AEBP2: variants seen among roughly 807,000 people sequenced by gnomAD.
AEBP2 encodes AE binding protein 2, also known as zinc finger protein AEBP2.
AEBP2 carries 10 observed loss-of-function variants against 50.8 expected under a neutral mutation model. The observed-to-expected ratio is 0.20, with a 90% CI of 0.12 to 0.33. The LOEUF (loss-of-function observed/expected upper bound fraction) is 0.33, where lower values mean the gene tolerates loss of function less well. Ranked by LOEUF, AEBP2 falls within the 10% of genes least tolerant of loss-of-function variation. The pLI is 1.00. For missense variants in AEBP2, 570 were observed against 688.0 expected (o/e 0.83, Z 1.92); for synonymous variants, 296 against 261.3 (o/e 1.13, Z -1.28).
rs1174101899 is a variant in AEBP2 at position 19,500,205 on chromosome 12, T to C, written c.1283T>C (p.Val428Ala). 6.4e-7 allele frequency: 1 copy of C among 1,559,986 alleles called. No homozygotes were observed. The highest frequency in any genetic ancestry group is 2.3e-5 in the East Asian group (1 of 42,948). Residue 428 changes from valine to alanine, a missense_variant, in exon 5 of 8, where the codon GTT (valine) becomes GCT (alanine). Val to Ala is a moderately conservative substitution (Grantham distance 64, BLOSUM62 0). Around this residue, in one of 2 missense-constraint regions of AEBP2, gnomAD observed 184 missense variants for 351.2 expected, o/e 0.52. Transcript: ENST00000266508. ...HIESLGKGHS[V>A]VFHSTVIAKR... ...GAAAGTTTAGGGAAGGGACACAGTG[T>C]TGTTTTTCATAGTACTGTAAGTATT...
chr12:19,450,014 CAG>C (rs1224676622), intron 1 of AEBP2, among the ~76,000 whole-genome samples: 10 of 152,110 alleles, frequency 6.6e-5, no homozygotes, highest in African/African-American at 9.7e-5. Flanking sequence ...TTATAACACA[CAG>C]ATGTAATAAA....
chr12:19,430,936 T>C (rs1029974828), intron 1 of AEBP2, among the ~76,000 whole-genome samples: 1 of 149,674 alleles, frequency 6.7e-6, no homozygotes, highest in Non-Finnish European at 1.5e-5. Context: ...GGCAGAAGGA[T>C]AGCTTGAGCC....
chr12:19,440,713 A>AAGGTTAGCTTCTTCCAAC (rs1947940903), intron 1 of AEBP2: 2 of 1,533,398 alleles, frequency 1.3e-6, no homozygotes, highest in East Asian at 4.9e-5. Context: ...TGATGTACAC[A>AAGGTTAGCTTCTTCCAAC]CGTCGGTACT....
At chr12:19,451,410 G>A (rs1160182167) in intron 1 of AEBP2, among the ~76,000 whole-genome samples, 1 of 152,174 alleles carries the variant, frequency 6.6e-6, no homozygotes, top group Admixed American at 6.5e-5. Context: ...CTCTAGCTCT[G>A]TGTATGTTCT....
At chr12:19,461,183 G>C (rs1340394054) in intron 1 of AEBP2, among the ~76,000 whole-genome samples, 2 of 152,160 alleles carry the variant, frequency 1.3e-5, no homozygotes, top group African/African-American at 4.8e-5. Context: ...GACTTGTGTT[G>C]TTTCTTAAAT....
At chr12:19,424,813 G>T (rs1440306342) in intron 1 of AEBP2, among the ~76,000 whole-genome samples, 1 of 151,812 alleles carries the variant, frequency 6.6e-6, no homozygotes, top group Non-Finnish European at 1.5e-5. Context: ...TTCAAGACCA[G>T]CCTGGCCAAC....
At chr12:19,471,180 AT>A (rs1948567294) in intron 2 of AEBP2, among the ~76,000 whole-genome samples, 1 of 151,942 alleles carries the variant, frequency 6.6e-6, no homozygotes. Context: ...CAGTGGCATG[AT>A]TATAGCAGTT....
At chr12:19,465,182 C>A (rs1236958748) in intron 2 of AEBP2, among the ~76,000 whole-genome samples, 2 of 151,772 alleles carry the variant, frequency 1.3e-5, no homozygotes, top group Non-Finnish European at 2.9e-5. Context: ...ATCACGGGGT[C>A]AGGAGTTTGA....
intron 1 of AEBP2, among the ~76,000 whole-genome samples, chr12:19,453,911 C>G (rs541160801): frequency 1.7e-4 from 26 of 152,154 alleles, no homozygotes; most frequent in East Asian, 3.9e-4. Context: ...ATTCTCCCCC[C>G]CTCGGCCTCC....
intron 3 of AEBP2, among the ~76,000 whole-genome samples, chr12:19,478,501 G>C (rs1341441575): frequency 6.6e-6 from 1 of 152,048 alleles, no homozygotes; most frequent in Non-Finnish European, 1.5e-5. Flanking sequence ...TGTTGCCCAG[G>C]CTGGTCTCAA....
At chr12:19,488,126 A>AT (rs11385390) in intron 3 of AEBP2, among the ~76,000 whole-genome samples, 75,451 of 144,732 alleles carry the variant, frequency 0.52, 20,662 homozygotes, top group Non-Finnish European at 0.64. Context: ...AACAGATTAA[A>AT]TTTTTTTTTT....
intron 1 of AEBP2, among the ~76,000 whole-genome samples, chr12:19,404,803 G>C (rs1157572200): frequency 1.3e-5 from 2 of 151,988 alleles, no homozygotes; most frequent in Non-Finnish European, 2.9e-5. Context: ...CTTATCTGAG[G>C]TCTATGTGGC....
upstream of AEBP2, among the ~76,000 whole-genome samples, chr12:19,438,720 T>C (rs1466528643): frequency 6.6e-6 from 1 of 152,184 alleles, no homozygotes; most frequent in Non-Finnish European, 1.5e-5. Flanking sequence ...AAATATAAAA[T>C]ATATTACTAG....
intron 1 of AEBP2, among the ~76,000 whole-genome samples, chr12:19,450,414 C>T (rs542710890): frequency 3.3e-5 from 5 of 150,972 alleles, no homozygotes; most frequent in African/African-American, 9.8e-5. Context: ...GTAAAACTGT[C>T]TGCCTGAATG....
chr12:19,428,964 C>T (rs554491092), intron 1 of AEBP2, among the ~76,000 whole-genome samples: 2 of 152,264 alleles, frequency 1.3e-5, no homozygotes, highest in African/African-American at 4.8e-5. Context: ...CGTGACAAAA[C>T]CCCATCTCTA....
chr12:19,488,988 C>G (rs1343094840), intron 3 of AEBP2, among the ~76,000 whole-genome samples: 1 of 152,074 alleles, frequency 6.6e-6, no homozygotes, highest in Non-Finnish European at 1.5e-5. Flanking sequence ...GTGGTTTCAC[C>G]AAGTTGGCCA....
In AEBP2 at chr12:19,488,482, A is replaced by G. The variant is rs557936255; in HGVS notation, c.988-5318A>G. On this transcript the variant is annotated intron_variant, in intron 3 of 7. Coordinates refer to ENST00000266508, the MANE Select transcript of AEBP2 (RefSeq NM_153207.5). ...GTGGCAGATTCTGAATTTCAGAGGC[A>G]GAAAGAATCCGGGGTTGTTAATTAT... 1.3e-4 allele frequency among the ~76,000 whole-genome samples: 20 copies of G among 152,224 alleles called. No individual in the cohort carries two copies. The East Asian group carries it at 3.9e-3, about 29-fold the overall frequency.
In AEBP2 at chr12:19,440,552, G is replaced by T. The variant is rs1260957822; in HGVS notation, c.671+182G>T. ...CCGCGCCCCTCTCGCAGCGCATCGC[G>T]GCTTCCAACTCTCAAACCGTTCCCC... is the stretch of plus-strand genomic sequence containing the variant. On this transcript the variant is annotated intron_variant, in intron 1 of 7. Coordinates refer to ENST00000266508, the MANE Select transcript of AEBP2 (RefSeq NM_153207.5). 1.2e-5 allele frequency: 16 copies of T among 1,376,616 alleles called. No homozygotes were observed. The African/African-American group carries it at 1.5e-4, about 13-fold the overall frequency. 85.3% of individuals were successfully genotyped at this position (1,376,616 alleles called of 1,614,324 possible).
chr12:19,459,378 C>T (rs1427673008), intron 1 of AEBP2, among the ~76,000 whole-genome samples: 1 of 151,950 alleles, frequency 6.6e-6, no homozygotes, highest in Non-Finnish European at 1.5e-5. Flanking sequence ...ACTACAGGCT[C>T]CTGCCACTAT....
Sources: allele counts gnomAD v4.1 joint callset (sites outside exome capture counted in the v4.1 genomes callset), GRCh38; gene constraint gnomAD v4.1.1; regional missense constraint gnomAD v4.1.1; transcripts MANE v1.5; gene names NCBI Gene and HGNC (gene_info 2026-07-23, HGNC 2026-07-21).